The following CNTN5 variants were observed in gnomAD, a reference collection of about 807,000 sequenced individuals.
The protein encoded by CNTN5 is contactin-5.
In CNTN5, 77 loss-of-function variants were observed where a neutral mutation model predicts 129.1. That is an observed-to-expected ratio of 0.60 (90% CI 0.50 to 0.72). CNTN5 has a LOEUF of 0.72. CNTN5 is among the 30% of genes least tolerant of loss of function. The pLI, the probability that CNTN5 is intolerant of heterozygous loss-of-function variation, is 0.00. For synonymous variants in CNTN5, 509 were observed against 465.6 expected (o/e 1.09, Z -1.20); for missense variants, 1,478 against 1,328.8 (o/e 1.11, Z -1.75).
At chr11:100,210,606 T>C (rs1290804982) in intron 15 of CNTN5, among the ~76,000 whole-genome samples, 1 of 152,148 alleles carries the variant, frequency 6.6e-6, no homozygotes, top group East Asian at 1.9e-4. Flanking sequence ...CTTGACAAAG[T>C]TTATAATGAT....
At chr11:99,939,482 ATTAT>A (rs1950386966) in intron 7 of CNTN5, among the ~76,000 whole-genome samples, 2 of 152,242 alleles carry the variant, frequency 1.3e-5, no homozygotes, top group South Asian at 4.1e-4. Context: ...TACAAGGTAA[ATTAT>A]TTATGCAGAA....
chr11:99,552,827 CCT>C (rs145504218), intron 2 of CNTN5, among the ~76,000 whole-genome samples: 8 of 150,638 alleles, frequency 5.3e-5, no homozygotes, highest in Non-Finnish European at 7.4e-5. Context: ...TGGTTCTCTC[CCT>C]CTCTCTCTCT....
intron 13 of CNTN5, among the ~76,000 whole-genome samples, chr11:100,123,235 A>C (rs557896096): frequency 6.6e-6 from 1 of 152,174 alleles, no homozygotes; most frequent in East Asian, 1.9e-4. Context: ...AAATCAGTCC[A>C]TCACAATTTC....
intron 1 of CNTN5, among the ~76,000 whole-genome samples, chr11:99,129,557 G>T (rs1247004774): frequency 1.3e-5 from 2 of 152,158 alleles, no homozygotes; most frequent in African/African-American, 4.8e-5. Flanking sequence ...CTATCCAGGA[G>T]AATTTATTTA....
chr11:99,914,307 A>G (rs941816603), intron 6 of CNTN5, among the ~76,000 whole-genome samples: 1 of 152,104 alleles, frequency 6.6e-6, no homozygotes, highest in Admixed American at 6.6e-5. Flanking sequence ...GTAAAGTAAA[A>G]GGAAGTCAAA....
At chr11:99,425,390 C>A (rs1242611770) in intron 2 of CNTN5, among the ~76,000 whole-genome samples, 1 of 152,222 alleles carries the variant, frequency 6.6e-6, no homozygotes, top group African/African-American at 2.4e-5. Flanking sequence ...CATCAACATG[C>A]CATCCATGGC....
Position 99,869,103 on chromosome 11 carries a change from C to T in CNTN5, c.577+23841C>T, listed in dbSNP as rs542384890. ...CTTAATCTTTTTAAAAAATAAAACT[C>T]GTTTTACCTAATAAAACATTATGTT... On this transcript the variant is annotated intron_variant, in intron 6 of 24. Coordinates refer to ENST00000524871, the MANE Select transcript of CNTN5 (RefSeq NM_014361.4). Among the ~76,000 whole-genome samples the T allele has an allele frequency of 3.3e-5, 5 of 152,242 alleles. No individual in the cohort carries two copies. In the East Asian group the frequency reaches 5.8e-4, roughly 18 times the overall value.
At chr11:99,059,512 T>A (rs1241203268) in intron 1 of CNTN5, among the ~76,000 whole-genome samples, 1 of 152,120 alleles carries the variant, frequency 6.6e-6, no homozygotes, top group Non-Finnish European at 1.5e-5. Flanking sequence ...TTTATGGGTC[T>A]GAATGAACAA....
At chr11:100,351,648 T>A (rs1952414985) in intron 24 of CNTN5, among the ~76,000 whole-genome samples, 1 of 125,310 alleles carries the variant, frequency 8.0e-6, no homozygotes. Context: ...AACCATTTCG[T>A]AGAGATAGTA....
intron 4 of CNTN5, among the ~76,000 whole-genome samples, chr11:99,828,212 GA>G (rs1244407898): frequency 6.6e-6 from 1 of 151,910 alleles, no homozygotes; most frequent in Non-Finnish European, 1.5e-5. Flanking sequence ...AGTAATTTGT[GA>G]AAAAAAACTT....
At chr11:99,856,625 A>G (rs1234338376) in intron 6 of CNTN5, among the ~76,000 whole-genome samples, 6 of 152,256 alleles carry the variant, frequency 3.9e-5, no homozygotes, top group African/African-American at 1.4e-4. Flanking sequence ...AAGACTAAAT[A>G]TTTGAGAACA....
chr11:100,150,038 G>A (rs977188393), intron 13 of CNTN5, among the ~76,000 whole-genome samples: 3 of 152,114 alleles, frequency 2.0e-5, no homozygotes, highest in Admixed American at 2.0e-4. Flanking sequence ...AAAGTACTTG[G>A]TGTGGAGAGA....
chr11:100,356,372 A>T lies in CNTN5; in HGVS notation c.*152A>T, dbSNP rs1452347279. On this transcript the variant is annotated 3_prime_UTR_variant, in exon 25 of 25. Transcript: ENST00000524871. The stretch of plus-strand genomic sequence containing the variant: ...TGAACTTACAGGAGGTTAGGGGGGA[A>T]ATATTACTTATCCATCAGGTTTCTC... 3.2e-6 allele frequency: 2 copies of T among 616,716 alleles called. No homozygotes were observed. Among genetic ancestry groups the T allele is most frequent in the Non-Finnish European group, 5.8e-6 (2 of 345,306 alleles). The allele number at this position is 616,716 out of a possible 1,614,324, so 38.2% of individuals were successfully genotyped here. A position where few individuals can be genotyped will look rare whatever the true frequency, so the allele number is the denominator to read the frequency against.
intron 2 of CNTN5, among the ~76,000 whole-genome samples, chr11:99,441,519 A>G (rs1485383657): frequency 6.6e-6 from 1 of 152,014 alleles, no homozygotes. Context: ...CATAGCCTAT[A>G]TTTCCTCCAA....
At chr11:99,114,424 TCTCCTC>T (rs1565328094) in intron 1 of CNTN5, among the ~76,000 whole-genome samples, 1 of 151,466 alleles carries the variant, frequency 6.6e-6, no homozygotes, top group African/African-American at 2.4e-5. Context: ...TCTTTCTCCT[TCTCCTC>T]CTCCTCCCCC....
intron 3 of CNTN5, among the ~76,000 whole-genome samples, chr11:99,652,365 C>T (rs1354929943): frequency 6.6e-6 from 1 of 151,980 alleles, no homozygotes; most frequent in South Asian, 2.1e-4. Context: ...ATAATGACAC[C>T]ATCATCTATA....
chr11:99,029,964 G>A (rs1397146748), intron 1 of CNTN5, among the ~76,000 whole-genome samples: 1 of 152,094 alleles, frequency 6.6e-6, no homozygotes, highest in Non-Finnish European at 1.5e-5. Flanking sequence ...ACAAAGAGAA[G>A]AATGGAATGA....
chr11:99,169,964 A>G (rs1454470222), intron 1 of CNTN5, among the ~76,000 whole-genome samples: 2 of 152,166 alleles, frequency 1.3e-5, no homozygotes, highest in Non-Finnish European at 2.9e-5. Flanking sequence ...ATAATGTATA[A>G]CGAAAATTAA....
intron 9 of CNTN5, among the ~76,000 whole-genome samples, chr11:100,033,473 T>C (rs1473368496): frequency 6.6e-6 from 1 of 152,200 alleles, no homozygotes; most frequent in African/African-American, 2.4e-5. Flanking sequence ...TGCACCCATG[T>C]CTATGTATTC....
Sources: allele counts gnomAD v4.1 joint callset (sites outside exome capture counted in the v4.1 genomes callset), GRCh38; gene constraint gnomAD v4.1.1; transcripts MANE v1.5; gene names NCBI Gene and HGNC (gene_info 2026-07-23, HGNC 2026-07-21).